Variants in GOLGA3 observed in about 807,000 individuals in gnomAD.
The protein encoded by GOLGA3 is golgin subfamily A member 3.
A neutral mutation model predicts 169.4 loss-of-function variants in GOLGA3; 75 were observed. The ratio of observed to expected loss-of-function variants is 0.44; its 90% CI spans 0.37 to 0.54. GOLGA3 has a LOEUF of 0.54. GOLGA3 is among the 20% of genes least tolerant of loss of function. The pLI is 0.00. For synonymous variants in GOLGA3, 824 were observed against 822.4 expected (o/e 1.00, Z -0.03); for missense variants, 1,899 against 1,930.0 (o/e 0.98, Z 0.30).
rs1211749519 is a variant in GOLGA3 at position 132,804,070 on chromosome 12, C to A, written c.1597+646G>T. 6.6e-6 allele frequency among the ~76,000 whole-genome samples: 1 copy of A among 152,204 alleles called. No individual in the cohort carries two copies. Among genetic ancestry groups the A allele is most frequent in the Non-Finnish European group, 1.5e-5 (1 of 68,036 alleles). ...GACTGAGGGGGTGGAAGGCGTGCTG[C>A]CAAGCCACATGGAAGCCCGCCGCGG... On this transcript the variant is annotated intron_variant, in intron 7 of 23. Coordinates refer to ENST00000450791, the MANE Select transcript of GOLGA3 (RefSeq NM_001389683.1). The surrounding 1 kb of genome is among the most constrained non-coding windows in gnomAD (Gnocchi z 4.1).
At chr12:132,783,699 A>T (rs545154108) in intron 16 of GOLGA3, among the ~76,000 whole-genome samples, 4 of 152,030 alleles carry the variant, frequency 2.6e-5, no homozygotes, top group Non-Finnish European at 5.9e-5. Context: ...TGCCTCAGCC[A>T]CCCAAGTAAC....
chr12:132,797,245 G>A (rs766986657), intron 9 of GOLGA3, among the ~76,000 whole-genome samples: 15 of 152,178 alleles, frequency 9.9e-5, no homozygotes, highest in East Asian at 3.8e-4. Context: ...GGGAGCAGTC[G>A]CAGGAGATGA....
At chr12:132,785,967 T>C (rs909066540) in intron 15 of GOLGA3, among the ~76,000 whole-genome samples, 3 of 152,136 alleles carry the variant, frequency 2.0e-5, no homozygotes, top group Admixed American at 2.0e-4. Context: ...TGCTTCTCAG[T>C]GAGTGCGGAG....
chr12:132,826,195 A>T (rs1354689442), intron 1 of GOLGA3: 1 of 1,567,946 alleles, frequency 6.4e-7, no homozygotes, highest in African/African-American at 1.4e-5. Context: ...GAGGCTGGAC[A>T]TCAGCCCGCT....
At chr12:132,800,206 T>A (rs540556643) in intron 8 of GOLGA3, among the ~76,000 whole-genome samples, 1 of 152,280 alleles carries the variant, frequency 6.6e-6, no homozygotes, top group Admixed American at 6.5e-5. Flanking sequence ...GCTTAAAAAA[T>A]ATGTAACAGT....
chr12:132,789,028 T>C lies in GOLGA3; in HGVS notation c.2810A>G (p.Gln937Arg). 7.1e-7 allele frequency: 1 copy of C among 1,404,598 alleles called. No homozygotes were observed. Among genetic ancestry groups the C allele is most frequent in the Middle Eastern group, 2.1e-4 (1 of 4,838 alleles). The allele number at this position is 1,404,598 out of a possible 1,614,324, so 87.0% of individuals were successfully genotyped here. Reference sequence around the variant, plus strand: ...TGAGTCAACCCGACACGGACAGACCTGCAAGTGTGTTTCCATCTCGTCTCG... The same window carrying C: ...TGAGTCAACCCGACACGGACAGACCCGCAAGTGTGTTTCCATCTCGTCTCG... ...KERDEMETHLQSLQFDKEQMV... is the reference protein window; with the variant it reads ...KERDEMETHLRSLQFDKEQMV... The change falls in exon 13 of 24, where the codon CAG becomes CGG. Residue 937 changes from glutamine to arginine, a missense_variant and splice_region_variant. By Grantham distance (43) the Gln-to-Arg change is conservative. Transcript: ENST00000450791.
intron 1 of GOLGA3, among the ~76,000 whole-genome samples, chr12:132,826,754 C>T (rs1950431123): frequency 6.6e-6 from 1 of 152,144 alleles, no homozygotes; most frequent in Non-Finnish European, 1.5e-5. Context: ...CGGTCGATTC[C>T]CAGTCTTGCT....
At chr12:132,818,085 C>G (rs1486830911) in intron 2 of GOLGA3, among the ~76,000 whole-genome samples, 2 of 147,104 alleles carry the variant, frequency 1.4e-5, no homozygotes, top group African/African-American at 2.5e-5. Flanking sequence ...CTCCACACCT[C>G]CACGCTCTAA....
chr12:132,799,967 C>T (rs1191168245), intron 8 of GOLGA3, among the ~76,000 whole-genome samples: 1 of 152,156 alleles, frequency 6.6e-6, no homozygotes, highest in Non-Finnish European at 1.5e-5. Flanking sequence ...TCTTGAACTC[C>T]TGGCCTCAAG....
chr12:132,792,004 T>C (rs1701234279), intron 11 of GOLGA3, among the ~76,000 whole-genome samples: 1 of 146,010 alleles, frequency 6.8e-6, no homozygotes, highest in African/African-American at 2.6e-5. Context: ...AAGAGGGGGA[T>C]GCATGTGCAT....
At chr12:132,773,662 G>C (rs966292613) in intron 23 of GOLGA3, among the ~76,000 whole-genome samples, 1 of 122,248 alleles carries the variant, frequency 8.2e-6, no homozygotes, top group African/African-American at 2.5e-5. Flanking sequence ...GGCCTATCAG[G>C]GTAGTTTAAC....
At chr12:132,808,605 T>G in intron 4 of GOLGA3, 56 bp from the exon 5 acceptor site, 1 of 1,343,436 alleles carries the variant, frequency 7.4e-7, no homozygotes, top group South Asian at 1.4e-5. Context: ...GCAGCATACT[T>G]AAAACTGCCA....
intron 4 of GOLGA3, among the ~76,000 whole-genome samples, chr12:132,808,897 C>T (rs1949558493): frequency 6.6e-6 from 1 of 152,084 alleles, no homozygotes; most frequent in Non-Finnish European, 1.5e-5. Context: ...CTGTGTGCGG[C>T]GACGAGAGTG....
intron 13 of GOLGA3, among the ~76,000 whole-genome samples, chr12:132,787,874 C>T (rs1269502154): frequency 7.8e-6 from 1 of 128,862 alleles, no homozygotes; most frequent in Admixed American, 7.2e-5. Context: ...GACCCCTTCC[C>T]GAGACCCCAG....
intron 4 of GOLGA3, among the ~76,000 whole-genome samples, chr12:132,809,646 G>A (rs1040867945): frequency 6.6e-6 from 1 of 152,146 alleles, no homozygotes; most frequent in Non-Finnish European, 1.5e-5. Context: ...ACCTCACTAT[G>A]TCCCCTCAGC....
intron 16 of GOLGA3, among the ~76,000 whole-genome samples, chr12:132,783,552 G>A (rs974906647): frequency 3.3e-5 from 5 of 152,228 alleles, no homozygotes; most frequent in African/African-American, 4.8e-5. Context: ...GCGCTGAAGC[G>A]AGAACTGTCT....
chr12:132,799,611 G>A (rs1262268317), intron 8 of GOLGA3, among the ~76,000 whole-genome samples: 2 of 152,194 alleles, frequency 1.3e-5, no homozygotes, highest in African/African-American at 4.8e-5. Flanking sequence ...CTGAATTCCA[G>A]CAGCCTGGGT....
intron 9 of GOLGA3, among the ~76,000 whole-genome samples, chr12:132,797,647 G>A (rs1326541377): frequency 6.6e-6 from 1 of 152,112 alleles, no homozygotes; most frequent in Non-Finnish European, 1.5e-5. Flanking sequence ...GGTAGGCAGA[G>A]GTTGCAGTGA....
In GOLGA3 at chr12:132,804,086, C is replaced by A. The variant is rs1178766221; in HGVS notation, c.1597+630G>T. Among the ~76,000 whole-genome samples the A allele has an allele frequency of 1.3e-5, 2 of 152,180 alleles. No individual in the cohort carries two copies. Among genetic ancestry groups the A allele is most frequent in the African/African-American group, 4.8e-5 (2 of 41,446 alleles). On this transcript the variant is annotated intron_variant, in intron 7 of 23. Coordinates refer to ENST00000450791, the MANE Select transcript of GOLGA3 (RefSeq NM_001389683.1). The surrounding 1 kb of genome is among the most constrained non-coding windows in gnomAD (Gnocchi z 4.1). ...GGCGTGCTGCCAAGCCACATGGAAGCCCGCCGCGGCTTCCGCAATCCACTG... is the reference window on the plus strand; with the variant it reads ...GGCGTGCTGCCAAGCCACATGGAAGACCGCCGCGGCTTCCGCAATCCACTG...
Sources: allele counts gnomAD v4.1 joint callset (sites outside exome capture counted in the v4.1 genomes callset), GRCh38; gene constraint gnomAD v4.1.1; non-coding constraint Gnocchi (gnomAD v3.1); transcripts MANE v1.5; gene names NCBI Gene and HGNC (gene_info 2026-07-23, HGNC 2026-07-21).